TRPC1: variants seen among roughly 807,000 people sequenced by gnomAD.
The protein encoded by TRPC1 is transient receptor potential cation channel subfamily C member 1, also known as short transient receptor potential channel 1.
TRPC1 carries 42 observed loss-of-function variants against 88.2 expected under a neutral mutation model. The observed-to-expected ratio is 0.48, with a 90% confidence interval of 0.37 to 0.62. The LOEUF is 0.62. TRPC1 is among the 20% of genes least tolerant of loss of function. The pLI is 0.00. For missense variants in TRPC1, 699 were observed against 957.3 expected, an observed-to-expected ratio of 0.73 and a Z score of 3.56; for synonymous variants, 288 against 331.8, an observed-to-expected ratio of 0.87 and a Z score of 1.43.
intron 4 of TRPC1, among the ~76,000 whole-genome samples, chr3:142,775,290 G>A (rs144617867): frequency 7.5e-4 from 114 of 152,272 alleles, no homozygotes; most frequent in African/African-American, 2.6e-3. Context: ...TGGAATTTCC[G>A]TATAGAAAAA....
chr3:142,776,221 C>T lies in TRPC1; in HGVS notation c.633-1411C>T, dbSNP rs546369938. 6.6e-6 allele frequency among the ~76,000 whole-genome samples: 1 copy of T among 152,196 alleles called. No homozygotes were observed. The highest frequency in any genetic ancestry group is 2.1e-4 in the South Asian group (1 of 4,816). On this transcript the variant is annotated intron_variant, in intron 4 of 12. Coordinates refer to ENST00000476941, the MANE Select transcript of TRPC1 (RefSeq NM_001251845.2). This position sits in a 1 kb window ranked among gnomAD's most constrained non-coding sequence, Gnocchi z 4.1. ...TGTGAGTAGAAAATATCAGGGAGGA[C>T]ATGCACAATTCTCTGTAAAATGACG...
At chr3:142,803,885 G>A (rs1936696279) in intron 10 of TRPC1, 92 bp from the exon 11 acceptor site, 3 of 1,290,372 alleles carry the variant, frequency 2.3e-6, no homozygotes, top group Non-Finnish European at 3.2e-6. Context: ...GATTATCAAT[G>A]TTTTATTTAA....
At chr3:142,794,516 A>G (rs1385533873) in intron 9 of TRPC1, among the ~76,000 whole-genome samples, 2 of 152,176 alleles carry the variant, frequency 1.3e-5, no homozygotes, top group Non-Finnish European at 2.9e-5. Flanking sequence ...AGTAAACAAC[A>G]GTGATCTCTA....
chr3:142,757,230 G>GAT lies in TRPC1; in HGVS notation c.632+8783_632+8784dup, dbSNP rs35538609. Among the ~76,000 whole-genome samples the GAT allele has an allele frequency of 3.6e-3, 542 of 150,880 alleles. 1 individual carries two copies. Among genetic ancestry groups the GAT allele is most frequent in the Non-Finnish European group, 4.9e-3 (329 of 67,676 alleles). ...GGCTATATTGATTTCCTTTCTTTTGGATATATATATATATGTATCTAATAG... is the reference window on the plus strand; with the variant it reads ...GGCTATATTGATTTCCTTTCTTTTGGATATATATATATATATGTATCTAATAG... On this transcript the variant is annotated intron_variant, in intron 4 of 12. Transcript: ENST00000476941.
intron 5 of TRPC1, 25 bp from the exon 6 acceptor site, chr3:142,780,809 G>C: frequency 6.4e-7 from 1 of 1,562,080 alleles, no homozygotes; most frequent in African/African-American, 1.4e-5. Flanking sequence ...CGACGTTTCT[G>C]ATAATAGAAT....
intron 3 of TRPC1, among the ~76,000 whole-genome samples, chr3:142,744,128 A>G (rs1934452188): frequency 6.6e-6 from 1 of 152,120 alleles, no homozygotes; most frequent in South Asian, 2.1e-4. Context: ...TATTGGACAA[A>G]TTGGTGAAAA....
chr3:142,777,801 T>C (rs1377721555), intron 5 of TRPC1, 38 bp downstream of exon 5: 1 of 1,576,710 alleles, frequency 6.3e-7, no homozygotes, highest in South Asian at 1.2e-5. Context: ...TATTTTGTTT[T>C]AAATCTTCAA....
chr3:142,780,573 A>G (rs1351516813), intron 5 of TRPC1, among the ~76,000 whole-genome samples: 2 of 152,206 alleles, frequency 1.3e-5, no homozygotes, highest in Non-Finnish European at 2.9e-5. Context: ...TAGGAATAAC[A>G]TCAGTATATA....
At chr3:142,731,805 T>A (rs1933931557) in intron 1 of TRPC1, among the ~76,000 whole-genome samples, 1 of 152,096 alleles carries the variant, frequency 6.6e-6, no homozygotes, top group Non-Finnish European at 1.5e-5. Flanking sequence ...TTCTGTGAGG[T>A]CTTGGAGCTA....
intron 1 of TRPC1, among the ~76,000 whole-genome samples, chr3:142,729,285 A>C (rs1176902749): frequency 6.6e-6 from 1 of 152,196 alleles, no homozygotes; most frequent in African/African-American, 2.4e-5. Context: ...GTAAGTCACA[A>C]TCAAACTATA....
intron 7 of TRPC1, among the ~76,000 whole-genome samples, chr3:142,790,101 G>A (rs1936250393): frequency 6.6e-6 from 1 of 152,102 alleles, no homozygotes; most frequent in Admixed American, 6.6e-5. Context: ...TAGTCAGGAA[G>A]GGTGATGAGC....
At chr3:142,753,594 G>T (rs761571388) in intron 4 of TRPC1, among the ~76,000 whole-genome samples, 1 of 151,742 alleles carries the variant, frequency 6.6e-6, no homozygotes, top group Non-Finnish European at 1.5e-5. Context: ...GTGAAACCTC[G>T]TCTCTACTAA....
At chr3:142,805,618 A>C (rs527868124) in intron 12 of TRPC1, among the ~76,000 whole-genome samples, 60 of 152,296 alleles carry the variant, frequency 3.9e-4, no homozygotes, top group African/African-American at 1.4e-3. Context: ...GGAGGGGATA[A>C]AATTTCACTT....
chr3:142,805,918 ATG>A, intron 12 of TRPC1, 88 bp from the exon 13 acceptor site: 1 of 1,112,072 alleles, frequency 9.0e-7, no homozygotes. Context: ...GCATTTAAAG[ATG>A]TGTTTGTGTC....
intron 9 of TRPC1, among the ~76,000 whole-genome samples, chr3:142,797,784 C>T (rs1001089176): frequency 1.2e-4 from 18 of 151,966 alleles, no homozygotes; most frequent in African/African-American, 4.1e-4. Context: ...TTTTCCATTC[C>T]TTTTATAGTT....
At chr3:142,798,844 CTTTT>C (rs904431706) in intron 9 of TRPC1, among the ~76,000 whole-genome samples, 1 of 152,112 alleles carries the variant, frequency 6.6e-6, no homozygotes, top group African/African-American at 2.4e-5. Flanking sequence ...TTATTGCTTT[CTTTT>C]GTTAGCAACT....
chr3:142,767,935 G>A lies in TRPC1; in HGVS notation c.633-9697G>A, dbSNP rs1306359883. ...TGTTTTTTTTTTAACTTTTCTGATG[G>A]TATCCTTTGAAGAATAAAAGTTTAA... On this transcript the variant is annotated intron_variant, in intron 4 of 12. Coordinates refer to ENST00000476941, the MANE Select transcript of TRPC1 (RefSeq NM_001251845.2). The surrounding 1 kb of genome is among the most constrained non-coding windows in gnomAD (Gnocchi z 5.1). Among the ~76,000 whole-genome samples, 1 of 150,942 alleles carries A rather than the reference G, an allele frequency of 6.6e-6. No individual in the cohort carries two copies. Among genetic ancestry groups the A allele is most frequent in the Non-Finnish European group, 1.5e-5 (1 of 67,728 alleles).
At chr3:142,742,256 C>A (rs989833254) in intron 2 of TRPC1, among the ~76,000 whole-genome samples, 8 of 151,986 alleles carry the variant, frequency 5.3e-5, no homozygotes, top group Non-Finnish European at 8.8e-5. Flanking sequence ...ATTAAATATG[C>A]TAAAATCTGA....
chr3:142,785,446 A>G (rs1333863543), intron 7 of TRPC1, among the ~76,000 whole-genome samples: 1 of 152,098 alleles, frequency 6.6e-6, no homozygotes, highest in Non-Finnish European at 1.5e-5. Flanking sequence ...ATTCTATTTC[A>G]TTTATAACAT....
Sources: allele counts gnomAD v4.1 joint callset (sites outside exome capture counted in the v4.1 genomes callset), GRCh38; gene constraint gnomAD v4.1.1; non-coding constraint Gnocchi (gnomAD v3.1); transcripts MANE v1.5; gene names NCBI Gene and HGNC (gene_info 2026-07-23, HGNC 2026-07-21).